TRIM2: variants seen among roughly 807,000 people sequenced by gnomAD.
TRIM2 encodes the protein tripartite motif containing 2.
A neutral mutation model predicts 75.2 loss-of-function variants in TRIM2; 20 were observed. The ratio of observed to expected loss-of-function variants is 0.27; its 90% confidence interval spans 0.19 to 0.39. TRIM2 has a LOEUF of 0.39. Among genes scored for constraint, TRIM2 ranks in the 10% least tolerant of loss-of-function variants. The pLI is 1.00. For missense variants in TRIM2, 660 were observed against 990.8 expected (o/e 0.67, Z 4.48); for synonymous variants, 373 against 388.3 (o/e 0.96, Z 0.46).
Position 153,337,343 on chromosome 4 carries a change from C to G in TRIM2, c.*2377C>G, listed in dbSNP as rs750967635. 1 of 985,790 alleles carries G rather than the reference C, an allele frequency of 1.0e-6. No homozygotes were observed. The highest frequency in any genetic ancestry group is 1.2e-6 in the Non-Finnish European group (1 of 829,914). The allele number at this position is 985,790 out of a possible 1,614,324, so 61.1% of individuals were successfully genotyped here. On this transcript the variant is annotated 3_prime_UTR_variant, in exon 12 of 12. Transcript: ENST00000338700. ...CTTACAATCTAACCAGCCATCATAT[C>G]ATATCCTATCAGGCTAGATATCTCA...
chr4:153,200,727 ATAT>A (rs1560805726), upstream of TRIM2, among the ~76,000 whole-genome samples: 2,501 of 128,292 alleles, frequency 0.019, 79 homozygotes, highest in African/African-American at 0.068. Context: ...AAAAAAAAAT[ATAT>A]ATATATATAT....
At chr4:153,239,834 C>CTTTTTTTTTTTTTT (rs372940429) in intron 1 of TRIM2, among the ~76,000 whole-genome samples, 1 of 117,700 alleles carries the variant, frequency 8.5e-6, no homozygotes, top group Non-Finnish European at 1.7e-5. Flanking sequence ...CTTTCTTTCT[C>CTTTTTTTTTTTTTT]TTTTTTTTTT....
chr4:153,193,340 T>C lies in TRIM2; in HGVS notation c.-49+40070T>C, dbSNP rs562123855. ...TAGAGACAGGGTTTCACTGTGTTAG[T>C]TAGGATGGTCTCGATCTCCTGACCT... On this transcript the variant is annotated intron_variant, in intron 1 of 11. Transcript: ENST00000437508. 1.8e-4 allele frequency among the ~76,000 whole-genome samples: 27 copies of C among 151,942 alleles called. No homozygotes were observed. The East Asian group carries it at 2.7e-3, about 15-fold the overall frequency.
intron 1 of TRIM2, among the ~76,000 whole-genome samples, chr4:153,162,959 G>C (rs942078623): frequency 6.6e-6 from 1 of 152,152 alleles, no homozygotes; most frequent in African/African-American, 2.4e-5. Context: ...AGGGTGAAAA[G>C]GGTGTCTTTC....
chr4:153,252,992 C>A (rs1751227018), intron 1 of TRIM2, among the ~76,000 whole-genome samples: 2 of 152,202 alleles, frequency 1.3e-5, no homozygotes, highest in African/African-American at 4.8e-5. Context: ...ACAGGCACTG[C>A]ACTAAGGGTT....
At chr4:153,177,406 A>C (rs949207765) in intron 1 of TRIM2, among the ~76,000 whole-genome samples, 2 of 152,260 alleles carry the variant, frequency 1.3e-5, no homozygotes, top group Admixed American at 6.5e-5. Flanking sequence ...CTGTAATCCC[A>C]GCACTCTGGG....
intron 1 of TRIM2, among the ~76,000 whole-genome samples, chr4:153,254,331 G>C (rs941288940): frequency 6.6e-6 from 1 of 152,170 alleles, no homozygotes; most frequent in African/African-American, 2.4e-5. Flanking sequence ...CATAGGCACT[G>C]TCTGTATACT....
chr4:153,207,306 G>A (rs1159020980), intron 1 of TRIM2, among the ~76,000 whole-genome samples: 3 of 152,126 alleles, frequency 2.0e-5, no homozygotes, highest in Non-Finnish European at 4.4e-5. Flanking sequence ...GGGGACAGAC[G>A]ACACACAGAG....
At position 153,285,657 on chromosome 4, in the gene TRIM2, T is replaced by C. The variant is rs542219535; in HGVS notation, c.454-7325T>C. On this transcript the variant is annotated intron_variant, in intron 3 of 11. Coordinates refer to ENST00000338700, the MANE Select transcript of TRIM2 (RefSeq NM_015271.5). Reference sequence around the variant, plus strand: ...TTTCTTAATTTCACTTTTGGATTATTCATTGTTAGTGTTTAGAGATACAAC... The same window carrying C: ...TTTCTTAATTTCACTTTTGGATTATCCATTGTTAGTGTTTAGAGATACAAC... Among the ~76,000 whole-genome samples, 3 of 152,298 alleles carry C rather than the reference T, an allele frequency of 2.0e-5. No homozygotes were observed. The South Asian group carries it at 6.2e-4, about 32-fold the overall frequency.
chr4:153,269,329 G>A (rs1040780966), intron 1 of TRIM2, among the ~76,000 whole-genome samples: 17 of 152,170 alleles, frequency 1.1e-4, no homozygotes, highest in East Asian at 1.9e-4. Context: ...TGGTAGATAA[G>A]GTTTGTTTAG....
At chr4:153,323,460 G>A (rs554769650) in intron 9 of TRIM2, among the ~76,000 whole-genome samples, 1 of 152,070 alleles carries the variant, frequency 6.6e-6, no homozygotes, top group South Asian at 2.1e-4. Flanking sequence ...GAATTATAGT[G>A]TGGGTTTTCT....
chr4:153,293,187 C>T (rs1490406588), intron 4 of TRIM2, 54 bp downstream of exon 4: 1 of 1,535,074 alleles, frequency 6.5e-7, no homozygotes. Flanking sequence ...GAGGCCTGGC[C>T]TCATGGCCTC....
chr4:153,174,868 A>C (rs1413706418), intron 1 of TRIM2, among the ~76,000 whole-genome samples: 1 of 152,228 alleles, frequency 6.6e-6, no homozygotes, highest in East Asian at 1.9e-4. Context: ...TATCAAATAC[A>C]TGGCAAGATT....
intron 1 of TRIM2, among the ~76,000 whole-genome samples, chr4:153,173,149 G>A (rs186360999): frequency 1.5e-4 from 23 of 152,232 alleles, no homozygotes; most frequent in Admixed American, 8.5e-4. Context: ...TTGTGCCATC[G>A]CACACTCAAG....
At chr4:153,327,465 T>C (rs926079810) in intron 10 of TRIM2, among the ~76,000 whole-genome samples, 3 of 152,352 alleles carry the variant, frequency 2.0e-5, no homozygotes, top group African/African-American at 7.2e-5. Context: ...AGTTCTACAT[T>C]TGAGGAAACC....
At chr4:153,182,393 T>A (rs1252851878) in intron 1 of TRIM2, among the ~76,000 whole-genome samples, 2 of 152,172 alleles carry the variant, frequency 1.3e-5, no homozygotes, top group Non-Finnish European at 2.9e-5. Context: ...GTGTCTCAGC[T>A]GAACACCACC....
rs151203504 is a variant in TRIM2, at chr4:153,188,814, C to G, written c.-49+35544C>G. Among the ~76,000 whole-genome samples the G allele has an allele frequency of 3.2e-3, 480 of 151,920 alleles. 1 individual carries two copies. The highest frequency in any genetic ancestry group is 5.5e-3 in the Non-Finnish European group (372 of 67,972). ...ATCATTTTCTGTCCTGTCCTGTGTT[C>G]ACATAAAGAATCTTGTTTTACATTA... On this transcript the variant is annotated intron_variant, in intron 1 of 11. Transcript: ENST00000437508.
intron 1 of TRIM2, among the ~76,000 whole-genome samples, chr4:153,247,884 G>T (rs571760262): frequency 6.6e-6 from 1 of 151,850 alleles, no homozygotes; most frequent in Admixed American, 6.6e-5. Flanking sequence ...AGTAAAAAAA[G>T]TGAATTATCA....
chr4:153,193,343 G>A (rs1241053525), intron 1 of TRIM2, among the ~76,000 whole-genome samples: 2 of 151,946 alleles, frequency 1.3e-5, no homozygotes, highest in Admixed American at 6.5e-5. Context: ...GTGTTAGTTA[G>A]GATGGTCTCG....
Sources: gnomAD v4.1 joint callset for allele counts (sites outside exome capture counted in the v4.1 genomes callset) on GRCh38, gnomAD v4.1.1 for gene constraint, MANE v1.5 for transcripts, NCBI Gene and HGNC (gene_info 2026-07-23, HGNC 2026-07-21) for gene names.